The following SLC17A7 variants were observed in gnomAD, a reference collection of about 807,000 sequenced individuals.
SLC17A7 encodes solute carrier family 17 member 7.
A neutral mutation model predicts 59.1 loss-of-function variants in SLC17A7; 15 were observed. The observed-to-expected ratio is 0.25, with a 90% CI of 0.17 to 0.39. The LOEUF (loss-of-function observed/expected upper bound fraction) is 0.39, where lower values mean the gene tolerates loss of function less well. SLC17A7 is among the 10% of genes least tolerant of loss of function. The pLI is 1.00. For missense variants in SLC17A7, 499 were observed against 765.1 expected, an observed-to-expected ratio of 0.65 and a Z score of 4.10; for synonymous variants, 353 against 308.9, an observed-to-expected ratio of 1.14 and a Z score of -1.50.
chr19:49,436,285 G>A lies in SLC17A7; in HGVS notation c.315+264C>T. Reference sequence around the variant, plus strand: ...AGGGGCAACCCCTAGGGAACCTGATGTTGGGGCGGACTCTACATTTTTCAA... The same window carrying A: ...AGGGGCAACCCCTAGGGAACCTGATATTGGGGCGGACTCTACATTTTTCAA... On this transcript the variant is annotated intron_variant, in intron 2 of 11. Coordinates refer to ENST00000221485, the MANE Select transcript of SLC17A7 (RefSeq NM_020309.4). The surrounding 1 kb of genome is among the most constrained non-coding windows in gnomAD (Gnocchi z 4.1). The A allele has an allele frequency of 1.9e-6, 1 of 534,942 alleles. No homozygotes were observed. The highest frequency in any genetic ancestry group is 2.5e-5 in the South Asian group (1 of 39,322). 33.1% of individuals were successfully genotyped at this position (534,942 alleles called of 1,614,324 possible).
rs1394759852 is a variant in SLC17A7, at chr19:49,433,159, A to G, written c.868-199T>C. ...CTAGCCTCAAGGTGACACTTGAGTG[A>G]TGAAGGGGTCCTGGCCCTATGGTAG... On this transcript the variant is annotated intron_variant, in intron 7 of 11. Coordinates refer to ENST00000221485, the MANE Select transcript of SLC17A7 (RefSeq NM_020309.4). This position sits in a 1 kb window ranked among gnomAD's most constrained non-coding sequence, Gnocchi z 5.7. 22 of 614,326 alleles carry G rather than the reference A, an allele frequency of 3.6e-5. No homozygotes were observed. Among genetic ancestry groups the G allele is most frequent in the Admixed American group, 8.9e-5 (3 of 33,818 alleles). The allele number at this position is 614,326 out of a possible 1,614,324, so 38.1% of individuals were successfully genotyped here. A position where few individuals can be genotyped will look rare whatever the true frequency, so the allele number is the denominator to read the frequency against.
chr19:49,434,031 G>A lies in SLC17A7; in HGVS notation c.653C>T (p.Ala218Val). The part of the protein sequence containing the change: ...TTAFCGSYAG[A>V]VVAMPLAGVL... ...CCCGGCGAGGGGCATCGCGACCACCGCCCCAGCATAGGAACCTAAGGGGGA... is the reference window on the plus strand; with the variant it reads ...CCCGGCGAGGGGCATCGCGACCACCACCCCAGCATAGGAACCTAAGGGGGA... The change falls in exon 6 of 12, where the codon GCG becomes GTG. Residue 218 changes from alanine (A) to valine (V), a missense_variant. Transcript: ENST00000221485. 1 of 1,612,726 alleles carries A rather than the reference G, an allele frequency of 6.2e-7. No homozygotes were observed. Among genetic ancestry groups the A allele is most frequent in the Non-Finnish European group, 8.5e-7 (1 of 1,179,198 alleles).
Position 49,429,858 on chromosome 19 carries a change from G to GT in SLC17A7, c.*660dup, listed in dbSNP as rs2078951016. 2 of 315,524 alleles carry GT rather than the reference G, an allele frequency of 6.3e-6. No individual in the cohort carries two copies. The highest frequency in any genetic ancestry group is 1.2e-5 in the Non-Finnish European group (2 of 172,956). 19.5% of individuals were successfully genotyped at this position (315,524 alleles called of 1,614,324 possible). A position where few individuals can be genotyped will look rare whatever the true frequency, so the allele number is the denominator to read the frequency against. On this transcript the variant is annotated 3_prime_UTR_variant, in exon 12 of 12. Coordinates refer to ENST00000221485, the MANE Select transcript of SLC17A7 (RefSeq NM_020309.4). ...TATTGTTAAAATTGCGATTTTGGTTGTTTCCCCAGACATTATGCTAAGCTA... is the reference window on the plus strand; with the variant it reads ...TATTGTTAAAATTGCGATTTTGGTTGTTTTCCCCAGACATTATGCTAAGCTA...
In SLC17A7 at chr19:49,432,485, G is replaced by C. The variant is rs374360551; in HGVS notation, c.1150+34C>G. 3.8e-4 allele frequency: 612 copies of C among 1,603,648 alleles called. 1 individual carries two copies. Among genetic ancestry groups the C allele is most frequent in the Non-Finnish European group, 1.7e-4 (199 of 1,174,486 alleles). ...AATCCGGCTCTGCTCCACCCAGGCT[G>C]TCCTAGAGCCGGCCCAGGCCCCGCC... is the stretch of plus-strand genomic sequence containing the variant. On this transcript the variant is annotated intron_variant, in intron 9 of 11. Transcript: ENST00000221485.
chr19:49,439,100 G>A (rs2078990352), intron 1 of SLC17A7, among the ~76,000 whole-genome samples: 1 of 152,036 alleles, frequency 6.6e-6, no homozygotes, highest in South Asian at 2.1e-4. Context: ...TCAGGCCTGG[G>A]GACTTGGCGA....
Position 49,432,600 on chromosome 19 carries a change from T to C in SLC17A7, c.1069A>G (p.Ile357Val). The C allele has an allele frequency of 6.2e-7, 1 of 1,613,806 alleles. No individual in the cohort carries two copies. The highest frequency in any genetic ancestry group is 1.7e-4 in the Middle Eastern group (1 of 6,026). Residue 357 changes from isoleucine (I) to valine (V), a missense_variant, in exon 9 of 12, where the codon ATC (isoleucine) becomes GTC (valine). Around this residue, in one of 3 missense-constraint regions of SLC17A7, gnomAD observed 323 missense variants for 607.2 expected, o/e 0.53. Coordinates refer to ENST00000221485, the MANE Select transcript of SLC17A7 (RefSeq NM_020309.4). ...AGGAAGTCCGCGATCTGGCCGCCGA[T>C]GGGCACGATGATGGTCATGACCAGG... Reference protein sequence around the residue: ...PHLVMTIIVPIGGQIADFLRS... With the variant: ...PHLVMTIIVPVGGQIADFLRS...
In SLC17A7 at chr19:49,436,847, C is replaced by T. The variant is rs1299604207; in HGVS notation, c.63-46G>A. 3.2e-6 allele frequency: 5 copies of T among 1,584,012 alleles called. No homozygotes were observed. In the South Asian group the frequency reaches 3.3e-5, roughly 11 times the overall value. ...GAGACTCGGAAGTCCAGGCCCCCAG[C>T]CCCCTCACCCCCAAGACCAGGATCC... On this transcript the variant is annotated intron_variant, in intron 1 of 11. Transcript: ENST00000221485. This position sits in a 1 kb window ranked among gnomAD's most constrained non-coding sequence, Gnocchi z 4.1.
Position 49,436,418 on chromosome 19 carries a change from C to A in SLC17A7, c.315+131G>T. The A allele has an allele frequency of 2.4e-6, 3 of 1,245,022 alleles. No individual in the cohort carries two copies. The highest frequency in any genetic ancestry group is 2.8e-5 in the South Asian group (2 of 71,748). 77.1% of individuals were successfully genotyped at this position (1,245,022 alleles called of 1,614,324 possible). A position where few individuals can be genotyped will look rare whatever the true frequency, so the allele number is the denominator to read the frequency against. On this transcript the variant is annotated intron_variant, in intron 2 of 11. Transcript: ENST00000221485. This position sits in a 1 kb window ranked among gnomAD's most constrained non-coding sequence, Gnocchi z 4.1. ...AGAACTAAGGGGCGCACGGATTGGG[C>A]GGAGCTATTCCGACAGCGTTTCGGA... is the stretch of plus-strand genomic sequence containing the variant.
chr19:49,434,124 C>G (rs1392411330), intron 5 of SLC17A7, 78 bp from the exon 6 acceptor site: 2 of 932,366 alleles, frequency 2.1e-6, no homozygotes, highest in East Asian at 5.0e-5. Context: ...CCGCTTCCCC[C>G]TTTCCAGACA....
In SLC17A7 at chr19:49,433,867, G is replaced by T; in HGVS notation, c.726C>A (p.Gly242=). The change falls in exon 7 of 12, where the codon GGC becomes GGA. Residue 242 remains glycine (G), a splice_region_variant and synonymous_variant. Transcript: ENST00000221485. This position sits in a 1 kb window ranked among gnomAD's most constrained non-coding sequence, Gnocchi z 5.7. ...ACAGGTACCAGAAGATCCCGAAGCT[G>T]CCTGGGGGGGTCAGGAGGGGGATGG... is the stretch of plus-strand genomic sequence containing the variant. The part of the protein sequence containing the change: ...SGWSSVFYVY[G]SFGIFWYLFW... The T allele has an allele frequency of 6.2e-7, 1 of 1,611,248 alleles. No homozygotes were observed. The highest frequency in any genetic ancestry group is 8.5e-7 in the Non-Finnish European group (1 of 1,177,982).
Position 49,431,674 on chromosome 19 carries a change from A to G in SLC17A7, c.1151-226T>C. ...AGCCCTGACCACGCCCACCAGCTCC[A>G]TCGCCCCTCCCGTAGCTCCACCCCT... On this transcript the variant is annotated intron_variant, in intron 9 of 11. Coordinates refer to ENST00000221485, the MANE Select transcript of SLC17A7 (RefSeq NM_020309.4). This position sits in a 1 kb window ranked among gnomAD's most constrained non-coding sequence, Gnocchi z 4.6. Among the ~76,000 whole-genome samples, 1 of 151,602 alleles carries G rather than the reference A, an allele frequency of 6.6e-6. No homozygotes were observed. Among genetic ancestry groups the G allele is most frequent in the South Asian group, 2.1e-4 (1 of 4,800 alleles).
Position 49,431,787 on chromosome 19 carries a change from T to TGG in SLC17A7, c.1151-340_1151-339insCC, listed in dbSNP as rs1568633805. Among the ~76,000 whole-genome samples, 29 of 150,030 alleles carry TGG rather than the reference T, an allele frequency of 1.9e-4. 1 individual carries two copies. Among genetic ancestry groups the TGG allele is most frequent in the African/African-American group, 5.2e-4 (21 of 40,740 alleles). On this transcript the variant is annotated intron_variant, in intron 9 of 11. Transcript: ENST00000221485. This position sits in a 1 kb window ranked among gnomAD's most constrained non-coding sequence, Gnocchi z 4.6. ...TCCCCACTCATGAGTTTTTGGTTTT[T>TGG]TTTTTTTTTAATTTTTGATTTTTTA... is the stretch of plus-strand genomic sequence containing the variant.
rs755730305 is a variant in SLC17A7 at position 49,431,465 on chromosome 19, G to T, written c.1151-17C>A. ...TGCCGAAGCCTACGGGGGCGGGGGG[G>T]GCCCGCGTCTCCTGAGTGTCGGCCG... On this transcript the variant is annotated splice_polypyrimidine_tract_variant and intron_variant, in intron 9 of 11. Coordinates refer to ENST00000221485, the MANE Select transcript of SLC17A7 (RefSeq NM_020309.4). The surrounding 1 kb of genome is among the most constrained non-coding windows in gnomAD (Gnocchi z 4.6). 1.9e-6 allele frequency: 3 copies of T among 1,605,856 alleles called. No individual in the cohort carries two copies. Among genetic ancestry groups the T allele is most frequent in the East Asian group, 4.5e-5 (2 of 44,804 alleles).
intron 9 of SLC17A7, among the ~76,000 whole-genome samples, chr19:49,432,078 C>A (rs2078962809): frequency 6.6e-6 from 1 of 152,220 alleles, no homozygotes; most frequent in Admixed American, 6.5e-5. Flanking sequence ...CCTTCTCAGC[C>A]TCCCAAGTAG....
chr19:49,431,244 A>T lies in SLC17A7; in HGVS notation c.1261+94T>A. 1.3e-6 allele frequency: 2 copies of T among 1,580,420 alleles called. No homozygotes were observed. The highest frequency in any genetic ancestry group is 1.1e-5 in the South Asian group (1 of 87,024). On this transcript the variant is annotated intron_variant, in intron 10 of 11. Coordinates refer to ENST00000221485, the MANE Select transcript of SLC17A7 (RefSeq NM_020309.4). The surrounding 1 kb of genome is among the most constrained non-coding windows in gnomAD (Gnocchi z 4.6). ...CTCCCCTCCCCGCCACTCATGTTCC[A>T]CCTTTTGTGAGGCTGAGAGGCCCCG... is the stretch of plus-strand genomic sequence containing the variant.
At chr19:49,434,071 G>A in intron 5 of SLC17A7, 25 bp from the exon 6 acceptor site, 1 of 1,495,436 alleles carries the variant, frequency 6.7e-7, no homozygotes. Context: ...GCGGGGGAGA[G>A]AACAGGCCCA....
At chr19:49,435,307 T>C in intron 2 of SLC17A7, 21 bp from the exon 3 acceptor site, 1 of 1,564,326 alleles carries the variant, frequency 6.4e-7, no homozygotes, top group East Asian at 2.2e-5. Context: ...AAATGTACAT[T>C]AAATCAGCCG....
rs1308261054 is a variant in SLC17A7, at chr19:49,430,456, A to G, written c.*63T>C. On this transcript the variant is annotated 3_prime_UTR_variant, in exon 12 of 12. Coordinates refer to ENST00000221485, the MANE Select transcript of SLC17A7 (RefSeq NM_020309.4). ...AGGAGCAGGGTTCCTTGACACTGTC[A>G]CTCAGGCCAGAGATGAGTGGAATGG... The G allele has an allele frequency of 1.3e-5, 16 of 1,230,846 alleles. No individual in the cohort carries two copies. Among genetic ancestry groups the G allele is most frequent in the Non-Finnish European group, 1.5e-5 (13 of 879,708 alleles). 76.2% of individuals were successfully genotyped at this position (1,230,846 alleles called of 1,614,324 possible). A position where few individuals can be genotyped will look rare whatever the true frequency, so the allele number is the denominator to read the frequency against.
At chr19:49,440,521 G>A (rs11672810) in intron 1 of SLC17A7, among the ~76,000 whole-genome samples, 52,079 of 151,860 alleles carry the variant, frequency 0.34, 9,389 homozygotes, top group Middle Eastern at 0.39. Flanking sequence ...GCCCCAGCCT[G>A]TATCCTTTGG....
Sources: gnomAD v4.1 joint callset for allele counts (sites outside exome capture counted in the v4.1 genomes callset) on GRCh38, gnomAD v4.1.1 for gene constraint, gnomAD v4.1.1 regional missense constraint, Gnocchi (gnomAD v3.1) non-coding constraint, MANE v1.5 for transcripts, NCBI Gene and HGNC (gene_info 2026-07-23, HGNC 2026-07-21) for gene names.